Variants in TG observed in about 807,000 individuals in gnomAD.
The protein encoded by TG is thyroid hormones.
In TG, 270 loss-of-function variants were observed where a neutral mutation model predicts 324.7. The observed-to-expected ratio is 0.83, with a 90% CI of 0.75 to 0.92. TG has a LOEUF of 0.92. Among genes scored for constraint, TG ranks in the 40% least tolerant of loss-of-function variants. TG has a pLI of 0.00. For synonymous variants in TG, 1,401 were observed against 1,327.0 expected, an observed-to-expected ratio of 1.06 and a Z score of -1.21; for missense variants, 3,591 against 3,456.4, an observed-to-expected ratio of 1.04 and a Z score of -0.98.
At chr8:133,130,275 C>T (rs1200301961) in intron 45 of TG, among the ~76,000 whole-genome samples, 2 of 152,160 alleles carry the variant, frequency 1.3e-5, no homozygotes, top group African/African-American at 4.8e-5. Context: ...AAACAGTAGA[C>T]CAGGCTATTG....
At chr8:132,976,909 C>T (rs1198804661) in intron 34 of TG, among the ~76,000 whole-genome samples, 1 of 152,154 alleles carries the variant, frequency 6.6e-6, no homozygotes, top group Non-Finnish European at 1.5e-5. Context: ...TGGATTATTT[C>T]CTCCTAAGAC....
chr8:132,966,362 T>G (rs1828555540), intron 29 of TG, among the ~76,000 whole-genome samples, 198 bp from the exon 30 acceptor site: 1 of 152,218 alleles, frequency 6.6e-6, no homozygotes, highest in African/African-American at 2.4e-5. Context: ...TATTCCTGTC[T>G]GACCCAACTC....
chr8:133,058,058 G>A (rs1010977979), intron 41 of TG, among the ~76,000 whole-genome samples: 15 of 152,198 alleles, frequency 9.9e-5, no homozygotes, highest in African/African-American at 3.6e-4. Flanking sequence ...GAGGGTAACC[G>A]GATGAGCAGC....
At chr8:132,913,804 T>C (rs1005470494) in intron 20 of TG, among the ~76,000 whole-genome samples, 1 of 152,196 alleles carries the variant, frequency 6.6e-6, no homozygotes, top group African/African-American at 2.4e-5. Context: ...ACCAAAAATT[T>C]TGTGGCAGAA....
At chr8:133,057,559 G>A (rs1044029727) in intron 41 of TG, among the ~76,000 whole-genome samples, 1 of 152,084 alleles carries the variant, frequency 6.6e-6, no homozygotes, top group Non-Finnish European at 1.5e-5. Context: ...TGTGAGGAGG[G>A]ACTTGTTCCA....
At chr8:133,098,314 G>A (rs996053302) in intron 43 of TG, among the ~76,000 whole-genome samples, 3 of 152,158 alleles carry the variant, frequency 2.0e-5, no homozygotes, top group African/African-American at 7.2e-5. Flanking sequence ...CTAATACCCT[G>A]AATTATTATA....
chr8:133,124,388 A>G (rs1241079329), intron 45 of TG, among the ~76,000 whole-genome samples: 2 of 152,200 alleles, frequency 1.3e-5, no homozygotes, highest in Non-Finnish European at 2.9e-5. Context: ...CTTGGGATTA[A>G]ACATCTACTC....
intron 35 of TG, among the ~76,000 whole-genome samples, chr8:133,009,667 C>A (rs1214172448): frequency 6.6e-6 from 1 of 151,894 alleles, no homozygotes; most frequent in African/African-American, 2.4e-5. Context: ...GATCAGGGTG[C>A]AGAGCCTCAT....
At chr8:133,058,228 C>T (rs772667277) in intron 41 of TG, among the ~76,000 whole-genome samples, 7 of 152,074 alleles carry the variant, frequency 4.6e-5, no homozygotes, top group South Asian at 2.1e-4. Flanking sequence ...GACCAATGAT[C>T]GGGGGAACGT....
At chr8:133,125,462 A>G (rs1851443003) in intron 45 of TG, among the ~76,000 whole-genome samples, 1 of 152,260 alleles carries the variant, frequency 6.6e-6, no homozygotes, top group African/African-American at 2.4e-5. Flanking sequence ...TAAGTGGGAA[A>G]GGGCTTGGCA....
chr8:133,066,455 A>G (rs1453729451), intron 41 of TG, among the ~76,000 whole-genome samples: 1 of 152,194 alleles, frequency 6.6e-6, no homozygotes, highest in East Asian at 1.9e-4. Context: ...ATACACGTGG[A>G]AAAATATTAA....
Position 132,898,861 on chromosome 8 carries a change from C to T in TG, c.3281C>T (p.Ser1094Phe). The T allele has an allele frequency of 1.2e-6, 2 of 1,614,210 alleles. No homozygotes were observed. The highest frequency in any genetic ancestry group is 1.7e-6 in the Non-Finnish European group (2 of 1,180,038). ...CTTTCCAGTTGGAAACAGGCTAGAT[C>T]CCAAGAAAACCCATCTCCAAAAGAC... ...GLLSSWKQARSQENPSPKDLF... is the reference protein window; with the variant it reads ...GLLSSWKQARFQENPSPKDLF... Residue 1094 changes from serine to phenylalanine, a missense_variant, in exon 14 of 48, where the codon TCC (serine) becomes TTC (phenylalanine). By Grantham distance (155) the Ser-to-Phe change is radical. Transcript: ENST00000220616.
At chr8:132,980,968 C>A (rs1425589518) in intron 34 of TG, among the ~76,000 whole-genome samples, 1 of 152,082 alleles carries the variant, frequency 6.6e-6, no homozygotes, top group Non-Finnish European at 1.5e-5. Context: ...CTAGTGCCAG[C>A]AGAAGACTTT....
At position 132,893,751 on chromosome 8, in the gene TG, G is replaced by A. The variant is rs1816687686; in HGVS notation, c.2823G>A (p.Glu941=). 3 of 1,613,948 alleles carry A rather than the reference G, an allele frequency of 1.9e-6. No homozygotes were observed. Among genetic ancestry groups the A allele is most frequent in the African/African-American group, 1.3e-5 (1 of 74,964 alleles). Residue 941 remains glutamate (E), a synonymous_variant, in exon 11 of 48, where the codon GAG becomes GAA. Transcript: ENST00000220616. ...RVLQFIRETE[E]IVSASNSSRF... is the part of the protein sequence containing the mutation. ...TGCAGTTCATTAGGGAAACGGAAGA[G>A]ATTGTTTCAGCTTCCAACAGTTCTC...
At chr8:133,074,276 T>C (rs1844528808) in intron 41 of TG, among the ~76,000 whole-genome samples, 2 of 152,184 alleles carry the variant, frequency 1.3e-5, no homozygotes, top group African/African-American at 4.8e-5. Flanking sequence ...AGAAGATGCA[T>C]ACAATCACAC....
chr8:132,980,786 CA>C (rs1289083498), intron 34 of TG, among the ~76,000 whole-genome samples: 1 of 151,876 alleles, frequency 6.6e-6, no homozygotes, highest in Non-Finnish European at 1.5e-5. Flanking sequence ...GGTGTGGGGG[CA>C]AAAAACCTGA....
At chr8:133,039,044 A>AT (rs1294530649) in intron 41 of TG, among the ~76,000 whole-genome samples, 37 of 152,008 alleles carry the variant, frequency 2.4e-4, no homozygotes, top group Non-Finnish European at 1.9e-4. Flanking sequence ...CGCCCAGCTA[A>AT]TTTTTTGTAT....
intron 41 of TG, among the ~76,000 whole-genome samples, chr8:133,086,975 ATAAG>A (rs1248508384): frequency 1.3e-5 from 2 of 152,180 alleles, no homozygotes; most frequent in Non-Finnish European, 2.9e-5. Flanking sequence ...TTGTAAATAA[ATAAG>A]TAATGATACA....
intron 34 of TG, among the ~76,000 whole-genome samples, chr8:132,980,836 C>A (rs1296088069): frequency 6.6e-6 from 1 of 152,174 alleles, no homozygotes; most frequent in African/African-American, 2.4e-5. Flanking sequence ...AAAAATAGCT[C>A]TTACTCCCAC....
Sources: allele counts gnomAD v4.1 joint callset (sites outside exome capture counted in the v4.1 genomes callset), GRCh38; gene constraint gnomAD v4.1.1; transcripts MANE v1.5; gene names NCBI Gene and HGNC (gene_info 2026-07-23, HGNC 2026-07-21).